The following TRUB1 variants were observed in gnomAD, a reference collection of about 807,000 sequenced individuals.
TRUB1 encodes the protein TruB pseudouridine synthase family member 1, also known as pseudouridylate synthase TRUB1.
A neutral mutation model predicts 33.9 loss-of-function variants in TRUB1; 23 were observed. The ratio of observed to expected loss-of-function variants is 0.68; its 90% CI spans 0.49 to 0.96. The LOEUF (loss-of-function observed/expected upper bound fraction) is 0.96. TRUB1 is among the 40% of genes least tolerant of loss of function. The probability of loss-of-function intolerance (pLI) is 0.00; values close to 1 mark genes in which losing one functional copy is unlikely to be tolerated. For missense variants in TRUB1, 378 were observed against 422.2 expected (o/e 0.90, Z 0.92); for synonymous variants, 163 against 165.4 (o/e 0.99, Z 0.11).
intron 4 of TRUB1, among the ~76,000 whole-genome samples, chr10:114,960,845 G>A (rs1222192153): frequency 1.3e-5 from 2 of 152,032 alleles, no homozygotes; most frequent in Non-Finnish European, 2.9e-5. Context: ...ATAGGAGGAC[G>A]TCAGAGACTT....
chr10:114,940,518 A>G (rs555487129), intron 1 of TRUB1, among the ~76,000 whole-genome samples: 27 of 152,240 alleles, frequency 1.8e-4, no homozygotes, highest in African/African-American at 6.5e-4. Flanking sequence ...CTTTCTTTGC[A>G]TTGATTCCTA....
chr10:114,972,766 C>T (rs2084343213), intron 6 of TRUB1, among the ~76,000 whole-genome samples: 1 of 152,068 alleles, frequency 6.6e-6, no homozygotes, highest in Non-Finnish European at 1.5e-5. Flanking sequence ...TATTAAAGAT[C>T]CTGCAAATAT....
In TRUB1 at chr10:114,970,353, G is replaced by T. The variant is rs771602231; in HGVS notation, c.524-15G>T. 4 of 1,579,470 alleles carry T rather than the reference G, an allele frequency of 2.5e-6. No individual in the cohort carries two copies. Among genetic ancestry groups the T allele is most frequent in the African/African-American group, 1.4e-5 (1 of 73,780 alleles). ...CTGTGGTTGTTTTAGTGTCTTTTTTGTTGATTTTTGGCAGATAAAATAACA... is the reference window on the plus strand; with the variant it reads ...CTGTGGTTGTTTTAGTGTCTTTTTTTTTGATTTTTGGCAGATAAAATAACA... On this transcript the variant is annotated splice_polypyrimidine_tract_variant and intron_variant, in intron 4 of 7. Transcript: ENST00000298746.
intron 2 of TRUB1, 136 bp from the exon 3 acceptor site, chr10:114,950,958 C>CT: frequency 1.6e-6 from 1 of 640,364 alleles, no homozygotes; most frequent in Non-Finnish European, 2.7e-6. Context: ...AATAGGAGCC[C>CT]TAACATTTTG....
intron 1 of TRUB1, among the ~76,000 whole-genome samples, chr10:114,940,114 A>AGTTTTT (rs950912901): frequency 6.6e-5 from 10 of 151,902 alleles, no homozygotes; most frequent in African/African-American, 1.7e-4. Flanking sequence ...TTGCTTGGGA[A>AGTTTTT]GTTTTTGTTT....
At chr10:114,949,358 T>G (rs2084224169) in intron 2 of TRUB1, among the ~76,000 whole-genome samples, 1 of 152,208 alleles carries the variant, frequency 6.6e-6, no homozygotes, top group Non-Finnish European at 1.5e-5. Context: ...AGTTCTGTCA[T>G]TTGAAGAGTA....
intron 6 of TRUB1, among the ~76,000 whole-genome samples, chr10:114,973,579 T>C (rs1274689731): frequency 6.6e-6 from 1 of 152,206 alleles, no homozygotes; most frequent in African/African-American, 2.4e-5. Flanking sequence ...AGCTAGAATA[T>C]AGTCCTTTTG....
intron 2 of TRUB1, among the ~76,000 whole-genome samples, chr10:114,948,104 G>A (rs1194997761): frequency 6.6e-6 from 1 of 152,140 alleles, no homozygotes; most frequent in African/African-American, 2.4e-5. Context: ...TTTTTTAACG[G>A]AAAAGACATT....
intron 3 of TRUB1, among the ~76,000 whole-genome samples, chr10:114,957,487 C>A (rs2084266486): frequency 6.6e-6 from 1 of 152,138 alleles, no homozygotes; most frequent in Admixed American, 6.5e-5. Flanking sequence ...GAAACATGAT[C>A]GAATTTGTGG....
At position 114,939,826 on chromosome 10, in the gene TRUB1, C is replaced by CT. The variant is rs1226215746; in HGVS notation, c.286+1303dup. Among the ~76,000 whole-genome samples, 230 of 55,044 alleles carry CT rather than the reference C, an allele frequency of 4.2e-3. 1 individual carries two copies. The highest frequency in any genetic ancestry group is 6.4e-3 in the Non-Finnish European group (147 of 22,922). 36.1% of individuals were successfully genotyped at this position (55,044 alleles called of 152,430 possible). On this transcript the variant is annotated intron_variant, in intron 1 of 7. Coordinates refer to ENST00000298746, the MANE Select transcript of TRUB1 (RefSeq NM_139169.5). ...GTTAGCTAAACTCTGGGTTTCTTTTCTTTTTTTTTTTTTTTTATCCTTAAG... is the reference window on the plus strand; with the variant it reads ...GTTAGCTAAACTCTGGGTTTCTTTTCTTTTTTTTTTTTTTTTTATCCTTAAG...
chr10:114,951,016 A>C (rs999293116), intron 2 of TRUB1, 78 bp from the exon 3 acceptor site: 1 of 1,312,208 alleles, frequency 7.6e-7, no homozygotes, highest in East Asian at 2.3e-5. Context: ...CTGGGAAATT[A>C]TGACCAAAAA....
chr10:114,977,517 T>G lies in TRUB1; in HGVS notation c.*2138T>G, dbSNP rs989305015. 2.0e-5 allele frequency: 3 copies of G among 152,082 alleles called. No homozygotes were observed. Among genetic ancestry groups the G allele is most frequent in the African/African-American group, 7.2e-5 (3 of 41,452 alleles). The allele number at this position is 152,082 out of a possible 1,614,324, so 9.4% of individuals were successfully genotyped here. ...TTGCCTTATTGCATTCCCAAAGAGT[T>G]GTAACATTTTACAGTGTTACCATTT... On this transcript the variant is annotated 3_prime_UTR_variant, in exon 8 of 8. Coordinates refer to ENST00000298746, the MANE Select transcript of TRUB1 (RefSeq NM_139169.5).
At chr10:114,958,956 G>A (rs554856802) in intron 3 of TRUB1, among the ~76,000 whole-genome samples, 2 of 151,704 alleles carry the variant, frequency 1.3e-5, no homozygotes, top group South Asian at 4.2e-4. Flanking sequence ...ACAACATGGT[G>A]AAACCCCATC....
chr10:114,951,269 A>G (rs1461254949), intron 3 of TRUB1, 120 bp downstream of exon 3: 3 of 679,644 alleles, frequency 4.4e-6, no homozygotes, highest in Non-Finnish European at 7.5e-6. Flanking sequence ...ATTCCTGAGT[A>G]TTAATTATGT....
chr10:114,947,953 C>A (rs2143020769), intron 2 of TRUB1, among the ~76,000 whole-genome samples: 1 of 152,288 alleles, frequency 6.6e-6, no homozygotes, highest in Middle Eastern at 3.4e-3. Flanking sequence ...TAAGATGATC[C>A]TACAGAAAGC....
At chr10:114,966,116 A>G (rs1457355256) in intron 4 of TRUB1, among the ~76,000 whole-genome samples, 1 of 152,196 alleles carries the variant, frequency 6.6e-6, no homozygotes, top group South Asian at 2.1e-4. Context: ...AAAACAGTGA[A>G]CATATTTATC....
intron 4 of TRUB1, among the ~76,000 whole-genome samples, chr10:114,967,646 C>G (rs1242545501): frequency 2.6e-5 from 4 of 152,192 alleles, no homozygotes; most frequent in African/African-American, 9.7e-5. Context: ...AGTCCTATGA[C>G]ACTTGTACCT....
At chr10:114,953,097 C>G (rs2084244429) in intron 3 of TRUB1, among the ~76,000 whole-genome samples, 2 of 152,066 alleles carry the variant, frequency 1.3e-5, no homozygotes, top group Non-Finnish European at 2.9e-5. Flanking sequence ...ACACAGCACA[C>G]TATATATTAC....
At chr10:114,967,773 GATT>G (rs1420796569) in intron 4 of TRUB1, among the ~76,000 whole-genome samples, 1 of 151,952 alleles carries the variant, frequency 6.6e-6, no homozygotes, top group Non-Finnish European at 1.5e-5. Flanking sequence ...TCATAAGAAC[GATT>G]ATTATTAATT....
Sources: gnomAD v4.1 joint callset for allele counts (sites outside exome capture counted in the v4.1 genomes callset) on GRCh38, gnomAD v4.1.1 for gene constraint, MANE v1.5 for transcripts, NCBI Gene and HGNC (gene_info 2026-07-23, HGNC 2026-07-21) for gene names.